The following PON1 variants were observed in gnomAD, a reference collection of about 807,000 sequenced individuals.
PON1 encodes the protein serum paraoxonase/arylesterase 1.
PON1 carries 37 observed loss-of-function variants against 39.2 expected under a neutral mutation model. The ratio of observed to expected loss-of-function variants is 0.94; its 90% CI spans 0.73 to 1.24. PON1 has a LOEUF of 1.24. PON1 is among the 50% of genes most tolerant of loss of function. The pLI is 0.00. For synonymous variants in PON1, 148 were observed against 152.2 expected (o/e 0.97, Z 0.21); for missense variants, 397 against 413.5 (o/e 0.96, Z 0.35).
chr7:95,302,331 G>C lies in PON1; in HGVS notation c.783C>G (p.Ser261=), dbSNP rs764433951. The change falls in exon 8 of 9, where the codon TCC becomes TCG. Residue 261 remains serine, a splice_region_variant and synonymous_variant. Transcript: ENST00000222381. Reference sequence around the variant, plus strand: ...TATCCACGAGGGTATTAAAGTCAAGGGACTTAAAAGATTAAAAACAAGAAA... The same window carrying C: ...TATCCACGAGGGTATTAAAGTCAAGCGACTTAAAAGATTAAAAACAAGAAA... ...HANWTLTPLK[S]LDFNTLVDNI... 1.2e-6 allele frequency: 2 copies of C among 1,605,480 alleles called. No individual in the cohort carries two copies. Among genetic ancestry groups the C allele is most frequent in the African/African-American group, 2.7e-5 (2 of 74,624 alleles).
intron 8 of PON1, 82 bp downstream of exon 8, chr7:95,302,123 C>CA: frequency 2.1e-6 from 1 of 466,246 alleles, no homozygotes; most frequent in South Asian, 2.9e-5. Flanking sequence ...AAAAAAAAAC[C>CA]AAGAATTGAG....
chr7:95,323,513 T>C (rs1261629274), intron 1 of PON1, among the ~76,000 whole-genome samples: 1 of 152,176 alleles, frequency 6.6e-6, no homozygotes, highest in Non-Finnish European at 1.5e-5. Context: ...TTTTTATATT[T>C]AATTTTTATT....
intron 1 of PON1, among the ~76,000 whole-genome samples, chr7:95,323,146 G>A (rs1258777289): frequency 1.3e-5 from 2 of 152,140 alleles, no homozygotes; most frequent in African/African-American, 4.8e-5. Context: ...GCCCCTAGGT[G>A]ATGCTCAGGC....
chr7:95,302,513 T>C, intron 7 of PON1, 180 bp from the exon 8 acceptor site: 1 of 598,714 alleles, frequency 1.7e-6, no homozygotes, highest in Admixed American at 2.9e-5. Context: ...TCATCTATGC[T>C]AGTATTTTGT....
intron 6 of PON1, among the ~76,000 whole-genome samples, chr7:95,307,347 C>A (rs2116308260): frequency 6.6e-6 from 1 of 152,316 alleles, no homozygotes; most frequent in Non-Finnish European, 1.5e-5. Flanking sequence ...ACCACCACAC[C>A]TGGCCCCTGT....
intron 6 of PON1, among the ~76,000 whole-genome samples, chr7:95,307,216 C>T (rs1465157634): frequency 2.6e-5 from 4 of 151,980 alleles, no homozygotes; most frequent in African/African-American, 7.2e-5. Context: ...TGCGCCACCA[C>T]GCCTGGCTAA....
intron 4 of PON1, among the ~76,000 whole-genome samples, chr7:95,312,746 T>G (rs1298341987): frequency 1.3e-5 from 2 of 151,422 alleles, no homozygotes; most frequent in Admixed American, 6.6e-5. Flanking sequence ...ATAGTGAGGT[T>G]GTGCTGGGAG....
Position 95,306,357 on chromosome 7 carries a change from A to G in PON1, c.708T>C (p.Tyr236=), listed in dbSNP as rs1807541134. The G allele has an allele frequency of 6.2e-7, 1 of 1,607,994 alleles. No individual in the cohort carries two copies. The highest frequency in any genetic ancestry group is 8.5e-7 in the Non-Finnish European group (1 of 1,174,742). ...TCTTATGAGCCAGCAACTCAGCTAT[A>G]TAGACATACCTTCAAAGAAGAAAGA... The part of the protein sequence containing the change: ...INISPDGKYV[Y]IAELLAHKIH... The change falls in exon 7 of 9, where the codon TAT becomes TAC. Residue 236 remains tyrosine (Y), a synonymous_variant. Coordinates refer to ENST00000222381, the MANE Select transcript of PON1 (RefSeq NM_000446.7).
Position 95,306,284 on chromosome 7 carries a change from C to A in PON1, c.780+1G>T. ...AGACTTACAGTGTTAATACGTCTTACCTTCAATGGAGTTAAAGTCCAATTA... is the reference window on the plus strand; with the variant it reads ...AGACTTACAGTGTTAATACGTCTTAACTTCAATGGAGTTAAAGTCCAATTA... On this transcript the variant is annotated splice_donor_variant, in intron 7 of 8. Transcript: ENST00000222381. LOFTEE classifies it high-confidence loss of function. The A allele has an allele frequency of 1.3e-6, 2 of 1,597,134 alleles. No homozygotes were observed. Among genetic ancestry groups the A allele is most frequent in the Non-Finnish European group, 1.7e-6 (2 of 1,164,796 alleles).
chr7:95,306,137 T>C, intron 7 of PON1, 148 bp downstream of exon 7: 4 of 708,298 alleles, frequency 5.6e-6, no homozygotes, highest in Non-Finnish European at 1.0e-5. Context: ...AACAAACACA[T>C]AACCAAGCTA....
At chr7:95,300,791 C>T (rs186619549) in intron 8 of PON1, among the ~76,000 whole-genome samples, 2 of 152,306 alleles carry the variant, frequency 1.3e-5, no homozygotes, top group Non-Finnish European at 2.9e-5. Context: ...TAACATTCTG[C>T]TCAGTTCTGA....
rs1293866208 is a variant in PON1 at position 95,322,806 on chromosome 7, ACT to A, written c.74+1594_74+1595del. Among the ~76,000 whole-genome samples the A allele has an allele frequency of 3.3e-5, 5 of 150,958 alleles. No individual in the cohort carries two copies. The East Asian group carries it at 9.7e-4, about 29-fold the overall frequency. ...GGTGGGAGACTCGTGGTCTAGGGGAACTCTCTCAGTTCTTTTCTCTGTACTGC... is the reference window on the plus strand; with the variant it reads ...GGTGGGAGACTCGTGGTCTAGGGGAACTCTCAGTTCTTTTCTCTGTACTGC... On this transcript the variant is annotated intron_variant, in intron 1 of 8. Transcript: ENST00000222381.
At chr7:95,306,924 C>G (rs1807553402) in intron 6 of PON1, among the ~76,000 whole-genome samples, 1 of 151,244 alleles carries the variant, frequency 6.6e-6, no homozygotes, top group Non-Finnish European at 1.5e-5. Flanking sequence ...ATCCCCCCAA[C>G]AAAAAAAAGA....
chr7:95,316,314 A>G (rs1051082762), intron 3 of PON1, among the ~76,000 whole-genome samples: 19 of 152,214 alleles, frequency 1.2e-4, no homozygotes, highest in Non-Finnish European at 1.5e-5. Flanking sequence ...ACAATTTTAA[A>G]TTAAAGGGCT....
chr7:95,316,702 T>C (rs1807776169), intron 3 of PON1, 32 bp downstream of exon 3: 1 of 1,594,496 alleles, frequency 6.3e-7, no homozygotes, highest in Non-Finnish European at 8.6e-7. Flanking sequence ...GAAAACGTTC[T>C]AGAACACAGA....
chr7:95,318,181 A>G (rs1362105565), intron 2 of PON1, 142 bp downstream of exon 2: 1 of 699,588 alleles, frequency 1.4e-6, no homozygotes, highest in Non-Finnish European at 2.6e-6. Context: ...GTCAAACAAC[A>G]TGGTATTTAT....
At chr7:95,305,035 G>A (rs1057356251) in intron 7 of PON1, among the ~76,000 whole-genome samples, 10 of 152,294 alleles carry the variant, frequency 6.6e-5, no homozygotes, top group African/African-American at 9.6e-5. Context: ...CAGTATGAGC[G>A]TGTGAAATTC....
At chr7:95,314,283 C>A (rs1009616867) in intron 4 of PON1, among the ~76,000 whole-genome samples, 1 of 152,036 alleles carries the variant, frequency 6.6e-6, no homozygotes, top group Admixed American at 6.6e-5. Flanking sequence ...TTGCTTGAAC[C>A]CGGGAGGTGA....
intron 1 of PON1, among the ~76,000 whole-genome samples, chr7:95,322,356 A>G (rs1049791903): frequency 0.011 from 1,619 of 150,314 alleles, 30 homozygotes; most frequent in African/African-American, 0.037. Flanking sequence ...GTGTGTATAT[A>G]TATATATATA....
Sources: gnomAD v4.1 joint callset for allele counts (sites outside exome capture counted in the v4.1 genomes callset) on GRCh38, gnomAD v4.1.1 for gene constraint, MANE v1.5 for transcripts, NCBI Gene and HGNC (gene_info 2026-07-23, HGNC 2026-07-21) for gene names.